SAMMSON: variants seen among roughly 807,000 people sequenced by gnomAD.
SAMMSON encodes survival associated mitochondrial melanoma specific oncogenic non-coding RNA, also known as long intergenic non-protein coding RNA 1212.
chr3:70,312,026 A>G (rs1702457945), intron 7 of SAMMSON: 3 of 396,966 alleles, frequency 7.6e-6, no homozygotes, highest in African/African-American at 4.1e-5. Context: ...ACCCAAATTT[A>G]TAACATCGAG....
intron 7 of SAMMSON, among the ~76,000 whole-genome samples, chr3:70,347,080 A>G (rs936502485): frequency 2.0e-5 from 3 of 152,238 alleles, no homozygotes; most frequent in African/African-American, 4.8e-5. Context: ...GGATTGCAAC[A>G]TGCTAAAATA....
intron 4 of SAMMSON, among the ~76,000 whole-genome samples, chr3:70,122,138 C>T (rs1473254444): frequency 6.6e-6 from 1 of 152,254 alleles, no homozygotes; most frequent in African/African-American, 2.4e-5. Context: ...TTCACTAATA[C>T]TATGCAGTCT....
At chr3:70,137,233 T>A (rs778272762) in intron 4 of SAMMSON, among the ~76,000 whole-genome samples, 4 of 152,216 alleles carry the variant, frequency 2.6e-5, no homozygotes, top group African/African-American at 9.6e-5. Context: ...TACTTTGCAA[T>A]ATATTGTTTA....
intron 4 of SAMMSON, among the ~76,000 whole-genome samples, chr3:70,186,314 A>G (rs4586774): frequency 0.7 from 105,504 of 151,424 alleles, 38,250 homozygotes; most frequent in Non-Finnish European, 0.79. Context: ...GCTCTAGTGC[A>G]GTGGCATGAT....
intron 7 of SAMMSON, among the ~76,000 whole-genome samples, chr3:70,324,753 C>T (rs1485279222): frequency 6.6e-6 from 1 of 151,952 alleles, no homozygotes; most frequent in African/African-American, 2.4e-5. Context: ...TTCAGAAGAT[C>T]GAACAAGAGA....
chr3:70,415,487 G>A (rs751537678), intron 2 of SAMMSON, among the ~76,000 whole-genome samples: 1 of 152,118 alleles, frequency 6.6e-6, no homozygotes, highest in African/African-American at 2.4e-5. Context: ...AGTGGGAGGA[G>A]CTCCCCCTCC....
intron 4 of SAMMSON, among the ~76,000 whole-genome samples, chr3:70,244,449 C>T (rs185984468): frequency 5.9e-5 from 9 of 152,172 alleles, no homozygotes; most frequent in Admixed American, 2.6e-4. Context: ...TGTAAAGGAA[C>T]GGAGTAATCA....
chr3:70,144,160 A>G (rs892741922), intron 4 of SAMMSON, among the ~76,000 whole-genome samples: 1 of 152,146 alleles, frequency 6.6e-6, no homozygotes, highest in African/African-American at 2.4e-5. Context: ...TAAATGTTTT[A>G]TATTTTTACC....
In SAMMSON at chr3:70,028,834, G is replaced by T. The variant is rs192724619; in HGVS notation, n.417+15162G>T. Among the ~76,000 whole-genome samples, 325 of 152,272 alleles carry T rather than the reference G, an allele frequency of 2.1e-3. 2 individuals are homozygous for T. Among genetic ancestry groups the T allele is most frequent in the Middle Eastern group, 0.02 (6 of 294 alleles). ...ATCCACGCAGTGGAGTTTTCTCACC[G>T]ATGATAATGATAGTAGTAAGAGGTA... On this transcript the variant is annotated intron_variant and non_coding_transcript_variant, in intron 3 of 9. Coordinates refer to ENST00000642114, the Ensembl canonical transcript of SAMMSON.
intron 9 of SAMMSON, among the ~76,000 whole-genome samples, chr3:70,380,336 G>A (rs1159072785): frequency 6.6e-6 from 1 of 151,944 alleles, no homozygotes; most frequent in Non-Finnish European, 1.5e-5. Context: ...AGAGATACGA[G>A]TACAAAATCA....
chr3:70,410,071 C>T (rs1701206104), intron 2 of SAMMSON, among the ~76,000 whole-genome samples: 1 of 152,074 alleles, frequency 6.6e-6, no homozygotes, highest in South Asian at 2.1e-4. Context: ...AGAACCTTGA[C>T]TTTTGATCCA....
chr3:70,147,516 C>T (rs2067554161), intron 4 of SAMMSON, among the ~76,000 whole-genome samples: 1 of 151,958 alleles, frequency 6.6e-6, no homozygotes, highest in African/African-American at 2.4e-5. Flanking sequence ...ATGAGTATAC[C>T]AACTGAGTTT....
intron 4 of SAMMSON, among the ~76,000 whole-genome samples, chr3:70,078,699 G>T (rs987637444): frequency 2.6e-5 from 4 of 152,046 alleles, no homozygotes; most frequent in African/African-American, 9.7e-5. Context: ...CTGCAAATCT[G>T]GTTCAGATGA....
At chr3:70,224,227 G>A (rs547653958) in intron 4 of SAMMSON, among the ~76,000 whole-genome samples, 271 of 152,198 alleles carry the variant, frequency 1.8e-3, no homozygotes, top group Non-Finnish European at 3.2e-3. Flanking sequence ...AGGCTGATTC[G>A]AAGTCCCAGC....
intron 4 of SAMMSON, among the ~76,000 whole-genome samples, chr3:70,109,699 C>G (rs1302883979): frequency 1.3e-5 from 2 of 152,170 alleles, no homozygotes; most frequent in African/African-American, 4.8e-5. Flanking sequence ...GATTGTGTGG[C>G]TAATACACGT....
chr3:70,104,608 G>A (rs1003960181), intron 4 of SAMMSON, among the ~76,000 whole-genome samples: 2 of 152,026 alleles, frequency 1.3e-5, no homozygotes, highest in Non-Finnish European at 2.9e-5. Context: ...AAACCGTGTC[G>A]GACCTTTACA....
chr3:70,095,549 T>C (rs2067320213), intron 4 of SAMMSON, among the ~76,000 whole-genome samples: 1 of 152,176 alleles, frequency 6.6e-6, no homozygotes, highest in African/African-American at 2.4e-5. Flanking sequence ...TTCACATTTG[T>C]TAGCATGATT....
chr3:70,391,028 T>C (rs1490703341), downstream of SAMMSON, among the ~76,000 whole-genome samples: 1 of 152,164 alleles, frequency 6.6e-6, no homozygotes, highest in Non-Finnish European at 1.5e-5. Context: ...GTTACCACAT[T>C]TCATCATGGC....
intron 4 of SAMMSON, among the ~76,000 whole-genome samples, chr3:70,176,066 A>G (rs1701006839): frequency 6.6e-6 from 1 of 152,194 alleles, no homozygotes; most frequent in Non-Finnish European, 1.5e-5. Context: ...ACTTAAGGTC[A>G]GAATTTGAGT....
Sources: allele counts gnomAD v4.1 joint callset (sites outside exome capture counted in the v4.1 genomes callset), GRCh38; gene constraint gnomAD v4.1.1; transcripts MANE v1.5; gene names NCBI Gene and HGNC (gene_info 2026-07-23, HGNC 2026-07-21).